The following KIT variants were observed in gnomAD, a reference collection of about 807,000 sequenced individuals.
KIT encodes the protein KIT proto-oncogene, receptor tyrosine kinase.
A neutral mutation model predicts 105.7 loss-of-function variants in KIT; 16 were observed. The observed-to-expected ratio is 0.15, with a 90% confidence interval of 0.10 to 0.23. The LOEUF is 0.23. Ranked by LOEUF, KIT falls within the 10% of genes least tolerant of loss-of-function variation. The pLI, the probability that KIT is intolerant of heterozygous loss-of-function variation, is 1.00. For missense variants in KIT, 858 were observed against 1,213.8 expected (o/e 0.71, Z 4.36); for synonymous variants, 438 against 441.1 (o/e 0.99, Z 0.09).
At chr4:54,669,421 G>T (rs1320592332) in intron 1 of KIT, among the ~76,000 whole-genome samples, 1 of 152,250 alleles carries the variant, frequency 6.6e-6, no homozygotes, top group Non-Finnish European at 1.5e-5. Context: ...GTCCCCCACG[G>T]GGTCTAGTGG....
intron 5 of KIT, among the ~76,000 whole-genome samples, chr4:54,704,325 A>G (rs1388725744): frequency 6.6e-6 from 1 of 152,224 alleles, no homozygotes; most frequent in East Asian, 1.9e-4. Context: ...GCCACTCATC[A>G]GATCTAGTTC....
intron 7 of KIT, among the ~76,000 whole-genome samples, chr4:54,714,646 TAAG>T (rs1721353379): frequency 6.6e-6 from 1 of 152,216 alleles, no homozygotes; most frequent in South Asian, 2.1e-4. Flanking sequence ...GGAATAATTT[TAAG>T]AAGATCCTGT....
intron 2 of KIT, 57 bp downstream of exon 2, chr4:54,695,838 AATTTTGGATGACATATGGATGACTGAGCC>A: frequency 6.2e-7 from 1 of 1,603,866 alleles, no homozygotes; most frequent in Non-Finnish European, 8.5e-7. Flanking sequence ...TCCTGCTCTT[AATTTTGGATGACATATGGATGACTGAGCC>A]ATAGATAAAA....
intron 3 of KIT, 60 bp from the exon 4 acceptor site, chr4:54,699,570 A>G (rs537491622): frequency 6.3e-7 from 1 of 1,591,086 alleles, no homozygotes; most frequent in Non-Finnish European, 8.6e-7. Context: ...AGAAATGGTA[A>G]ATCAAAATTT....
intron 1 of KIT, among the ~76,000 whole-genome samples, chr4:54,671,393 G>GT: frequency 6.6e-6 from 1 of 152,322 alleles, no homozygotes; most frequent in African/African-American, 2.4e-5. Flanking sequence ...GGCATCCCTA[G>GT]TGACCATAGC....
chr4:54,736,444 A>G lies in KIT; in HGVS notation c.2485-54A>G, dbSNP rs1722926911. ...CATCTATAAGAATATCTTCTGTTCA[A>G]TTTTGTTGAGCTTCTGAATTAACAT... On this transcript the variant is annotated intron_variant, in intron 17 of 20. Transcript: ENST00000288135. 2.3e-6 allele frequency: 3 copies of G among 1,303,968 alleles called. No homozygotes were observed. In the Admixed American group the frequency reaches 5.0e-5, roughly 22 times the overall value. The allele number at this position is 1,303,968 out of a possible 1,614,324, so 80.8% of individuals were successfully genotyped here.
At chr4:54,661,931 A>G (rs1276783759) in intron 1 of KIT, among the ~76,000 whole-genome samples, 1 of 152,234 alleles carries the variant, frequency 6.6e-6, no homozygotes, top group Non-Finnish European at 1.5e-5. Flanking sequence ...CTTTTGACCT[A>G]AGACTCTTAA....
chr4:54,738,380 AT>A (rs1560426255), intron 20 of KIT, 48 bp from the exon 21 acceptor site: 1 of 1,607,436 alleles, frequency 6.2e-7, no homozygotes. Context: ...TTTTGTTGCT[AT>A]GTTCGTTGTA....
chr4:54,712,968 T>A (rs896008115), intron 7 of KIT, among the ~76,000 whole-genome samples: 1 of 152,202 alleles, frequency 6.6e-6, no homozygotes, highest in African/African-American at 2.4e-5. Flanking sequence ...TGCAAACGTT[T>A]GGACAGAGGT....
chr4:54,672,120 T>C (rs909916806), intron 1 of KIT, among the ~76,000 whole-genome samples: 3 of 152,194 alleles, frequency 2.0e-5, no homozygotes, highest in East Asian at 1.9e-4. Flanking sequence ...GATCTACACA[T>C]TGTAATTGGT....
At chr4:54,673,678 C>T (rs550346494) in intron 1 of KIT, among the ~76,000 whole-genome samples, 2 of 152,280 alleles carry the variant, frequency 1.3e-5, no homozygotes, top group African/African-American at 4.8e-5. Context: ...CATTCTGCTC[C>T]TTAGTTTTTC....
At chr4:54,708,913 A>T (rs1032378986) in intron 6 of KIT, among the ~76,000 whole-genome samples, 1 of 152,202 alleles carries the variant, frequency 6.6e-6, no homozygotes, top group Non-Finnish European at 1.5e-5. Context: ...TGCCAGGAGC[A>T]CTGAGAAGTC....
intron 4 of KIT, among the ~76,000 whole-genome samples, chr4:54,702,758 T>A (rs1230290515): frequency 6.6e-6 from 1 of 152,184 alleles, no homozygotes; most frequent in Non-Finnish European, 1.5e-5. Context: ...GGTATGAACA[T>A]CCTGGTAAGC....
intron 1 of KIT, among the ~76,000 whole-genome samples, chr4:54,664,015 G>T (rs376362050): frequency 6.6e-6 from 1 of 152,062 alleles, no homozygotes; most frequent in East Asian, 1.9e-4. Context: ...AGTAGAATTT[G>T]GTTTTCTTAA....
At chr4:54,693,641 C>T (rs1719861382) in intron 1 of KIT, among the ~76,000 whole-genome samples, 1 of 152,110 alleles carries the variant, frequency 6.6e-6, no homozygotes, top group Non-Finnish European at 1.5e-5. Flanking sequence ...CTCACCCATC[C>T]TGAACTTGTG....
intron 7 of KIT, among the ~76,000 whole-genome samples, chr4:54,716,036 A>T (rs533616422): frequency 1.2e-4 from 18 of 152,220 alleles, no homozygotes; most frequent in Admixed American, 5.9e-4. Context: ...TCCATTTTTT[A>T]AAAAAATAGT....
chr4:54,724,833 G>A (rs751666906), intron 8 of KIT, among the ~76,000 whole-genome samples: 5 of 152,204 alleles, frequency 3.3e-5, no homozygotes, highest in Middle Eastern at 3.4e-3. Context: ...ATTCAAAGCC[G>A]TCCTGGGCCA....
chr4:54,714,288 C>G (rs1721330849), intron 7 of KIT, among the ~76,000 whole-genome samples: 1 of 152,050 alleles, frequency 6.6e-6, no homozygotes, highest in Non-Finnish European at 1.5e-5. Flanking sequence ...ATGACATTGC[C>G]AAGATGCTAT....
At chr4:54,661,170 A>C (rs1191750045) in intron 1 of KIT, among the ~76,000 whole-genome samples, 1 of 152,214 alleles carries the variant, frequency 6.6e-6, no homozygotes, top group East Asian at 1.9e-4. Flanking sequence ...GGTCTTGTGC[A>C]TAGGTGTGAA....
Sources: gnomAD v4.1 joint callset for allele counts (sites outside exome capture counted in the v4.1 genomes callset) on GRCh38, gnomAD v4.1.1 for gene constraint, MANE v1.5 for transcripts, NCBI Gene and HGNC (gene_info 2026-07-23, HGNC 2026-07-21) for gene names.